Variants in ABCB11 observed in about 807,000 individuals in gnomAD.
ABCB11 encodes bile salt export pump.
Under a neutral mutation model 148.0 loss-of-function variants are expected in ABCB11, and 95 were observed. The ratio of observed to expected loss-of-function variants is 0.64; its 90% CI spans 0.54 to 0.76. The LOEUF (loss-of-function observed/expected upper bound fraction) is 0.76. Among genes scored for constraint, ABCB11 ranks in the 30% least tolerant of loss-of-function variants. The probability of loss-of-function intolerance (pLI) is 0.00; values close to 1 mark genes in which losing one functional copy is unlikely to be tolerated. For missense variants in ABCB11, 1,523 were observed against 1,617.8 expected (o/e 0.94, Z 1.01); for synonymous variants, 591 against 555.4 (o/e 1.06, Z -0.90).
intron 5 of ABCB11, among the ~76,000 whole-genome samples, chr2:169,004,902 T>C (rs1047049081): frequency 6.6e-6 from 1 of 152,070 alleles, no homozygotes; most frequent in African/African-American, 2.4e-5. Context: ...AGCTAAACTG[T>C]AGTGATTGTT....
intron 19 of ABCB11, among the ~76,000 whole-genome samples, chr2:168,947,135 A>G (rs1692358014): frequency 6.6e-6 from 1 of 151,772 alleles, no homozygotes; most frequent in Non-Finnish European, 1.5e-5. Flanking sequence ...ACATTCATTA[A>G]CCTTTTGCTA....
chr2:168,991,136 C>G (rs1011114355), intron 8 of ABCB11, among the ~76,000 whole-genome samples: 3 of 152,094 alleles, frequency 2.0e-5, no homozygotes, highest in African/African-American at 7.2e-5. Flanking sequence ...TCAAAATGAC[C>G]CTACTAAAAG....
downstream of ABCB11, among the ~76,000 whole-genome samples, chr2:168,916,451 T>A (rs750982320): frequency 6.6e-6 from 1 of 152,218 alleles, no homozygotes; most frequent in African/African-American, 2.4e-5. Flanking sequence ...CACATGCCAA[T>A]CACGAGTACC....
intron 25 of ABCB11, among the ~76,000 whole-genome samples, chr2:168,930,133 T>C (rs910698233): frequency 6.6e-6 from 1 of 152,116 alleles, no homozygotes; most frequent in Non-Finnish European, 1.5e-5. Context: ...TTATGAAAAA[T>C]AAATACCAAA....
rs1326115198 is a variant in ABCB11 at position 168,924,890 on chromosome 2, T to A, written c.3619-87A>T. On this transcript the variant is annotated intron_variant, in intron 26 of 27. Transcript: ENST00000650372. ...ACTCATGTCAAGGTCTCCTCTGTAA[T>A]TTAAATTATTTGTTTGTTGAACTAG... 2.6e-6 allele frequency: 3 copies of A among 1,135,542 alleles called. No homozygotes were observed. In the Admixed American group the frequency reaches 7.8e-5, roughly 30 times the overall value. The allele number at this position is 1,135,542 out of a possible 1,614,324, so 70.3% of individuals were successfully genotyped here.
chr2:168,984,133 C>G (rs867381649), intron 10 of ABCB11, among the ~76,000 whole-genome samples: 1 of 151,986 alleles, frequency 6.6e-6, no homozygotes, highest in East Asian at 1.9e-4. Context: ...AAGAGAGAGC[C>G]ATAAGCTAAG....
intron 18 of ABCB11, among the ~76,000 whole-genome samples, chr2:168,959,703 T>C (rs1196345525): frequency 1.3e-5 from 2 of 151,586 alleles, no homozygotes; most frequent in African/African-American, 2.4e-5. Context: ...ACTGCCCCCA[T>C]CTGCCCATTA....
chr2:168,961,346 A>C (rs1013061510), intron 18 of ABCB11, among the ~76,000 whole-genome samples: 1 of 151,736 alleles, frequency 6.6e-6, no homozygotes, highest in African/African-American at 2.4e-5. Context: ...CCCTGCCCTA[A>C]TAATAACTTT....
rs185737513 is a variant in ABCB11, at chr2:169,007,945, A to G, written c.389+5327T>C. ...CTACAACTCAATAATCAGTAGACAT[A>G]TATCCCAGTTTTAAAAAGGGCTGAA... On this transcript the variant is annotated intron_variant, in intron 5 of 27. Transcript: ENST00000650372. Among the ~76,000 whole-genome samples the G allele has an allele frequency of 5.9e-5, 9 of 152,342 alleles. No homozygotes were observed. The East Asian group carries it at 1.7e-3, about 29-fold the overall frequency.
chr2:168,926,459 G>T (rs1252801210), intron 26 of ABCB11, among the ~76,000 whole-genome samples: 1 of 152,016 alleles, frequency 6.6e-6, no homozygotes, highest in African/African-American at 2.4e-5. Context: ...AAGGATAATT[G>T]TCCCAAAGCT....
At chr2:168,945,144 T>A (rs578255954) in intron 19 of ABCB11, among the ~76,000 whole-genome samples, 183 bp from the exon 20 acceptor site, 1 of 152,046 alleles carries the variant, frequency 6.6e-6, no homozygotes, top group East Asian at 1.9e-4. Context: ...TGTCAATGTA[T>A]GTTCATTAAT....
intron 4 of ABCB11, 49 bp from the exon 5 acceptor site, chr2:169,013,559 A>C: frequency 6.8e-7 from 1 of 1,472,024 alleles, no homozygotes; most frequent in South Asian, 1.2e-5. Flanking sequence ...AGAGCAGGAG[A>C]GGTAGGAGGA....
Position 168,995,388 on chromosome 2 carries a change from T to G in ABCB11, c.572A>C (p.Asp191Ala). ...RIMRMEIGWF[D>A]CNSVGELNTR... is the part of the protein sequence containing the mutation. Reference sequence around the variant, plus strand: ...ATTCAGCTCCCCCACTGAATTGCAGTCAAACCACCCTATTTCCATTCTCAT... The same window carrying G: ...ATTCAGCTCCCCCACTGAATTGCAGGCAAACCACCCTATTTCCATTCTCAT... The change falls in exon 7 of 28, where the codon GAC (aspartate) becomes GCC (alanine). Residue 191 changes from aspartate to alanine, a missense_variant. Coordinates refer to ENST00000650372, the MANE Select transcript of ABCB11 (RefSeq NM_003742.4). 5 of 1,612,528 alleles carry G rather than the reference T, an allele frequency of 3.1e-6. No homozygotes were observed. The South Asian group carries it at 5.5e-5, about 18-fold the overall frequency.
intron 8 of ABCB11, among the ~76,000 whole-genome samples, chr2:168,993,080 G>C (rs1694592428): frequency 6.6e-6 from 1 of 151,920 alleles, no homozygotes; most frequent in Non-Finnish European, 1.5e-5. Flanking sequence ...GGGGAACCGA[G>C]ACAGTGACTG....
At chr2:169,014,229 T>TG in intron 4 of ABCB11, 74 bp downstream of exon 4, 2 of 1,413,982 alleles carry the variant, frequency 1.4e-6, no homozygotes, top group Non-Finnish European at 2.0e-6. Flanking sequence ...TGACTAAAGA[T>TG]TTAACACTCC....
chr2:168,932,838 G>A (rs1231352040), intron 23 of ABCB11, among the ~76,000 whole-genome samples: 8 of 152,200 alleles, frequency 5.3e-5, no homozygotes, highest in African/African-American at 9.6e-5. Flanking sequence ...GGCCAGGCGC[G>A]GTGGCTCACT....
At chr2:168,991,705 T>C (rs1694529973) in intron 8 of ABCB11, among the ~76,000 whole-genome samples, 1 of 152,048 alleles carries the variant, frequency 6.6e-6, no homozygotes. Context: ...CTTATCAAAA[T>C]CTTAGATGGA....
chr2:168,958,816 T>C (rs547212116), intron 18 of ABCB11, among the ~76,000 whole-genome samples: 4 of 151,716 alleles, frequency 2.6e-5, no homozygotes, highest in Admixed American at 6.6e-5. Flanking sequence ...TGGACCTCCG[T>C]TGTCTTTTTT....
chr2:168,965,238 T>C (rs1693248939), intron 17 of ABCB11, among the ~76,000 whole-genome samples: 1 of 151,780 alleles, frequency 6.6e-6, no homozygotes, highest in Admixed American at 6.6e-5. Flanking sequence ...ACAGGGTTGC[T>C]TGCTGAATAT....
Sources: allele counts gnomAD v4.1 joint callset (sites outside exome capture counted in the v4.1 genomes callset), GRCh38; gene constraint gnomAD v4.1.1; transcripts MANE v1.5; gene names NCBI Gene and HGNC (gene_info 2026-07-23, HGNC 2026-07-21).